The following PXK variants were observed in gnomAD, a reference collection of about 807,000 sequenced individuals.
PXK encodes PX domain-containing protein kinase-like protein.
PXK carries 35 observed loss-of-function variants against 84.7 expected under a neutral mutation model. The observed-to-expected ratio is 0.41, with a 90% confidence interval of 0.32 to 0.55. The LOEUF is 0.55. PXK is among the 20% of genes least tolerant of loss of function. The pLI, the probability that PXK is intolerant of heterozygous loss-of-function variation, is 0.21. For missense variants in PXK, 634 were observed against 699.7 expected (o/e 0.91, Z 1.06); for synonymous variants, 253 against 260.8 (o/e 0.97, Z 0.29).
At chr3:58,341,382 G>A (rs540811916) in intron 1 of PXK, among the ~76,000 whole-genome samples, 13 of 152,076 alleles carry the variant, frequency 8.5e-5, no homozygotes, top group South Asian at 8.3e-4. Context: ...GCCAACATGG[G>A]GAAACCCTGT....
At chr3:58,378,787 C>T (rs181627985) in intron 3 of PXK, among the ~76,000 whole-genome samples, 105 of 152,084 alleles carry the variant, frequency 6.9e-4, no homozygotes, top group Admixed American at 4.3e-3. Flanking sequence ...TCGCCTGCCT[C>T]GGCCTCCCAA....
At chr3:58,405,481 C>T (rs1485757096) in intron 13 of PXK, among the ~76,000 whole-genome samples, 1 of 152,044 alleles carries the variant, frequency 6.6e-6, no homozygotes, top group Non-Finnish European at 1.5e-5. Context: ...GAGTTCCAGA[C>T]CAGCCTGGCC....
chr3:58,409,697 T>C lies in PXK; in HGVS notation c.1395+79T>C. On this transcript the variant is annotated intron_variant, in intron 15 of 17. Coordinates refer to ENST00000356151, the MANE Select transcript of PXK (RefSeq NM_017771.5). This position sits in a 1 kb window ranked among gnomAD's most constrained non-coding sequence, Gnocchi z 4.2. ...GAAAGTTCTAGGTTAATGGTGCCCA[T>C]TTAATGACAGATGCTGTGCTATATC... 8.7e-7 allele frequency: 1 copy of C among 1,150,610 alleles called. No individual in the cohort carries two copies. The highest frequency in any genetic ancestry group is 2.5e-5 in the Admixed American group (1 of 40,346). 71.3% of individuals were successfully genotyped at this position (1,150,610 alleles called of 1,614,324 possible).
rs375914774 is a variant in PXK, at chr3:58,357,185, A to G, written c.103-8689A>G. 5.8e-4 allele frequency among the ~76,000 whole-genome samples: 88 copies of G among 151,960 alleles called. 1 individual carries two copies. The East Asian group carries it at 0.015, about 27-fold the overall frequency. ...TCCCAGCTACGTGGGAGGCTGAGGC[A>G]GGAGAATCATTTGAACCTGGGAGGC... is the stretch of plus-strand genomic sequence containing the variant. On this transcript the variant is annotated intron_variant, in intron 1 of 17. Coordinates refer to ENST00000356151, the MANE Select transcript of PXK (RefSeq NM_017771.5).
Position 58,383,618 on chromosome 3 carries a change from C to A in PXK, c.388+918C>A, listed in dbSNP as rs2098525572. ...TACTGTGGTTGAAAGGGCTTCTCTT[C>A]CAGTACCGATTACACTCAAAGCTGG... On this transcript the variant is annotated intron_variant, in intron 4 of 17. Coordinates refer to ENST00000356151, the MANE Select transcript of PXK (RefSeq NM_017771.5). The surrounding 1 kb of genome is among the most constrained non-coding windows in gnomAD (Gnocchi z 4.0). 6.6e-6 allele frequency among the ~76,000 whole-genome samples: 1 copy of A among 152,170 alleles called. No homozygotes were observed. Among genetic ancestry groups the A allele is most frequent in the Non-Finnish European group, 1.5e-5 (1 of 68,044 alleles).
intron 4 of PXK, among the ~76,000 whole-genome samples, chr3:58,387,929 G>A (rs2098575092): frequency 6.6e-6 from 1 of 152,164 alleles, no homozygotes; most frequent in African/African-American, 2.4e-5. Context: ...AAATCTCAGA[G>A]TGCAGAGAGA....
At chr3:58,345,699 T>G (rs973527998) in intron 1 of PXK, among the ~76,000 whole-genome samples, 12 of 152,226 alleles carry the variant, frequency 7.9e-5, no homozygotes, top group African/African-American at 2.9e-4. Context: ...ACTCATGACT[T>G]CCACAACTCA....
rs779182983 is a variant in PXK, at chr3:58,333,552, G to A, written c.102+462G>A. ...GGGATGAGGGTGTGCCGGGCCAAAT[G>A]AAGTGTGACTCCAGAGCCTACTTGT... On this transcript the variant is annotated intron_variant, in intron 1 of 17. Coordinates refer to ENST00000356151, the MANE Select transcript of PXK (RefSeq NM_017771.5). This position sits in a 1 kb window ranked among gnomAD's most constrained non-coding sequence, Gnocchi z 5.4. 2 of 456,638 alleles carry A rather than the reference G, an allele frequency of 4.4e-6. No homozygotes were observed. The allele number at this position is 456,638 out of a possible 1,614,324, so 28.3% of individuals were successfully genotyped here. A position where few individuals can be genotyped will look rare whatever the true frequency, so the allele number is the denominator to read the frequency against.
intron 1 of PXK, among the ~76,000 whole-genome samples, chr3:58,338,558 G>A (rs1480834181): frequency 6.6e-6 from 1 of 151,946 alleles, no homozygotes; most frequent in Non-Finnish European, 1.5e-5. Context: ...GTGAGGTGAC[G>A]GTTGCAGTGA....
rs2062663495 is a variant in PXK at position 58,425,180 on chromosome 3, A to G, written c.*220A>G. 3.1e-6 allele frequency: 2 copies of G among 636,306 alleles called. No individual in the cohort carries two copies. Among genetic ancestry groups the G allele is most frequent in the East Asian group, 3.3e-5 (1 of 30,310 alleles). 39.4% of individuals were successfully genotyped at this position (636,306 alleles called of 1,614,324 possible). ...TCCCTTAAGATCTTGCTCCTTTATT[A>G]ACCCTGTAAAGGAGTCTTGTTTATC... is the stretch of plus-strand genomic sequence containing the variant. On this transcript the variant is annotated 3_prime_UTR_variant, in exon 18 of 18. Coordinates refer to ENST00000356151, the MANE Select transcript of PXK (RefSeq NM_017771.5).
Position 58,416,355 on chromosome 3 carries a change from T to G in PXK, c.1528+3392T>G, listed in dbSNP as rs2060954130. On this transcript the variant is annotated intron_variant, in intron 17 of 17. Transcript: ENST00000356151. The surrounding 1 kb of genome is among the most constrained non-coding windows in gnomAD (Gnocchi z 4.8). ...CTTAAAGGAACATTTGGATTTTCCC[T>G]TATTTCCATGCCTTGAGGTTTACAG... Among the ~76,000 whole-genome samples, 1 of 152,210 alleles carries G rather than the reference T, an allele frequency of 6.6e-6. No individual in the cohort carries two copies. Among genetic ancestry groups the G allele is most frequent in the Admixed American group, 6.5e-5 (1 of 15,290 alleles).
At chr3:58,408,460 G>T (rs752323559) in intron 13 of PXK, among the ~76,000 whole-genome samples, 1 of 151,792 alleles carries the variant, frequency 6.6e-6, no homozygotes, top group South Asian at 2.1e-4. Context: ...GTGTGTTAGG[G>T]ATACCAAAAG....
At position 58,382,680 on chromosome 3, in the gene PXK, A is replaced by T; in HGVS notation, c.368A>T (p.Asn123Ile). 1 of 1,578,124 alleles carries T rather than the reference A, an allele frequency of 6.3e-7. No individual in the cohort carries two copies. The highest frequency in any genetic ancestry group is 1.2e-5 in the South Asian group (1 of 84,206). The change falls in exon 4 of 18, where the codon AAC becomes ATC. Residue 123 changes from asparagine (N) to isoleucine (I), a missense_variant. This residue lies in a region of PXK where 353 missense variants were observed against 385.2 expected (regional missense o/e 0.92). Coordinates refer to ENST00000356151, the MANE Select transcript of PXK (RefSeq NM_017771.5). ...GTTAAGAAGTTTTTAGATCCAAACA[A>T]CTATTCCGCAAACTATACTGGTAAG... ...ELVKKFLDPN[N>I]YSANYTEIAL...
rs941722252 is a variant in PXK, at chr3:58,383,499, G to C, written c.388+799G>C. On this transcript the variant is annotated intron_variant, in intron 4 of 17. Coordinates refer to ENST00000356151, the MANE Select transcript of PXK (RefSeq NM_017771.5). This position sits in a 1 kb window ranked among gnomAD's most constrained non-coding sequence, Gnocchi z 4.0. ...GCAGTGATTCAGAAGGGTCCTCTCT[G>C]TGTCTTCCTATTTGCTCCCTGAGAC... Among the ~76,000 whole-genome samples the C allele has an allele frequency of 1.1e-4, 17 of 152,238 alleles. No homozygotes were observed. The highest frequency in any genetic ancestry group is 6.8e-3 in the Middle Eastern group (2 of 294).
chr3:58,409,455 C>A lies in PXK; in HGVS notation c.1309-77C>A. On this transcript the variant is annotated intron_variant, in intron 14 of 17. Transcript: ENST00000356151. The surrounding 1 kb of genome is among the most constrained non-coding windows in gnomAD (Gnocchi z 4.2). ...TTTTATCCCAATAAAATGTGGTTTG[C>A]CAAAACATGTTGGAGAAGATTTTCA... The A allele has an allele frequency of 7.2e-7, 1 of 1,382,464 alleles. No homozygotes were observed. Among genetic ancestry groups the A allele is most frequent in the Admixed American group, 2.0e-5 (1 of 49,884 alleles). 85.6% of individuals were successfully genotyped at this position (1,382,464 alleles called of 1,614,324 possible). A position where few individuals can be genotyped will look rare whatever the true frequency, so the allele number is the denominator to read the frequency against.
In PXK at chr3:58,409,198, A is replaced by T. The variant is rs982553648; in HGVS notation, c.1308+197A>T. Among the ~76,000 whole-genome samples the T allele has an allele frequency of 6.6e-6, 1 of 152,218 alleles. No homozygotes were observed. The highest frequency in any genetic ancestry group is 1.5e-5 in the Non-Finnish European group (1 of 68,034). On this transcript the variant is annotated intron_variant, in intron 14 of 17. Transcript: ENST00000356151. The surrounding 1 kb of genome is among the most constrained non-coding windows in gnomAD (Gnocchi z 4.2). ...CTCAGTCCTGCCTAGTCTATGTGGG[A>T]AACAAACATGTCCAGGAAGGGCAGT...
chr3:58,368,899 G>A (rs2098322278), intron 2 of PXK, among the ~76,000 whole-genome samples: 1 of 152,150 alleles, frequency 6.6e-6, no homozygotes, highest in Non-Finnish European at 1.5e-5. Flanking sequence ...ACAATGGAAG[G>A]TGGACTGTCT....
chr3:58,370,097 GTGT>G lies in PXK; in HGVS notation c.201+624_201+626del, dbSNP rs548829140. On this transcript the variant is annotated intron_variant, in intron 3 of 17. Coordinates refer to ENST00000356151, the MANE Select transcript of PXK (RefSeq NM_017771.5). This position sits in a 1 kb window ranked among gnomAD's most constrained non-coding sequence, Gnocchi z 4.2. ...TGTGGAATGATTGCGTGGATTGCTA[GTGT>G]TGTTCACTTAGGTGGAGCTGGGACT... is the stretch of plus-strand genomic sequence containing the variant. 2.9e-3 allele frequency among the ~76,000 whole-genome samples: 435 copies of G among 152,320 alleles called. 1 individual carries two copies. Among genetic ancestry groups the G allele is most frequent in the African/African-American group, 0.01 (422 of 41,558 alleles).
At position 58,336,209 on chromosome 3, in the gene PXK, C is replaced by G. The variant is rs567672643; in HGVS notation, c.102+3119C>G. On this transcript the variant is annotated intron_variant, in intron 1 of 17. Transcript: ENST00000356151. ...TATAGGTGTGAACCACTGCACCCAG[C>G]TGGGAAACCACCTATAACAGAAATG... Among the ~76,000 whole-genome samples the G allele has an allele frequency of 1.1e-4, 16 of 151,306 alleles. 1 individual carries two copies. Among genetic ancestry groups the G allele is most frequent in the African/African-American group, 3.9e-4 (16 of 41,210 alleles).
Sources: allele counts gnomAD v4.1 joint callset (sites outside exome capture counted in the v4.1 genomes callset), GRCh38; gene constraint gnomAD v4.1.1; regional missense constraint gnomAD v4.1.1; non-coding constraint Gnocchi (gnomAD v3.1); transcripts MANE v1.5; gene names NCBI Gene and HGNC (gene_info 2026-07-23, HGNC 2026-07-21).